Variants in PRKN observed in about 807,000 individuals in gnomAD.
The protein encoded by PRKN is parkin RBR E3 ubiquitin protein ligase.
Under a neutral mutation model 59.5 loss-of-function variants are expected in PRKN, and 56 were observed. The ratio of observed to expected loss-of-function variants is 0.94; its 90% confidence interval spans 0.76 to 1.18. The LOEUF (loss-of-function observed/expected upper bound fraction) is 1.18. Ranked by LOEUF, PRKN falls within the 50% of genes most tolerant of loss-of-function variation. PRKN has a pLI of 0.00. For synonymous variants in PRKN, 250 were observed against 222.1 expected (o/e 1.13, Z -1.12); for missense variants, 657 against 596.4 (o/e 1.10, Z -1.06).
At chr6:162,655,966 C>T (rs1332566587) in intron 1 of PRKN, among the ~76,000 whole-genome samples, 1 of 152,120 alleles carries the variant, frequency 6.6e-6, no homozygotes, top group Non-Finnish European at 1.5e-5. Context: ...AGGAATTCAC[C>T]TCATTTCAGA....
At chr6:161,938,856 T>C (rs546857330) in intron 6 of PRKN, among the ~76,000 whole-genome samples, 2 of 152,336 alleles carry the variant, frequency 1.3e-5, no homozygotes, top group African/African-American at 4.8e-5. Flanking sequence ...TATTGTCAGA[T>C]ACGTTTCAGC....
Position 161,391,090 on chromosome 6 carries a change from T to C in PRKN, c.1084-4213A>G, listed in dbSNP as rs149407930. Reference sequence around the variant, plus strand: ...GCAAACACTTCCCATGGCATAGCTGTTTCTAGAGAAAAAGCTTGCCGGGGA... The same window carrying C: ...GCAAACACTTCCCATGGCATAGCTGCTTCTAGAGAAAAAGCTTGCCGGGGA... On this transcript the variant is annotated intron_variant, in intron 9 of 11. Coordinates refer to ENST00000366898, the MANE Select transcript of PRKN (RefSeq NM_004562.3). This position sits in a 1 kb window ranked among gnomAD's most constrained non-coding sequence, Gnocchi z 4.9. Among the ~76,000 whole-genome samples the C allele has an allele frequency of 6.6e-6, 1 of 152,212 alleles. No individual in the cohort carries two copies. The highest frequency in any genetic ancestry group is 1.9e-4 in the East Asian group (1 of 5,168).
Position 161,566,215 on chromosome 6 carries a change from G to C in PRKN, c.933+3140C>G, listed in dbSNP as rs907890778. ...GTTCACCTCTCACATGAATCCATTCGAGGCAGGCTTTCCCCTCACTGCCCA... is the reference window on the plus strand; with the variant it reads ...GTTCACCTCTCACATGAATCCATTCCAGGCAGGCTTTCCCCTCACTGCCCA... On this transcript the variant is annotated intron_variant, in intron 8 of 11. Transcript: ENST00000366898. The surrounding 1 kb of genome is among the most constrained non-coding windows in gnomAD (Gnocchi z 4.1). Among the ~76,000 whole-genome samples the C allele has an allele frequency of 2.6e-5, 4 of 152,058 alleles. No homozygotes were observed. Among genetic ancestry groups the C allele is most frequent in the Non-Finnish European group, 5.9e-5 (4 of 68,020 alleles).
chr6:161,992,789 T>C (rs1781699675), intron 5 of PRKN, among the ~76,000 whole-genome samples: 1 of 152,020 alleles, frequency 6.6e-6, no homozygotes, highest in South Asian at 2.1e-4. Flanking sequence ...AAACTAGAAA[T>C]GATAGCAAGA....
chr6:161,489,996 T>C (rs1343435966), intron 9 of PRKN, among the ~76,000 whole-genome samples: 1 of 152,224 alleles, frequency 6.6e-6, no homozygotes, highest in Non-Finnish European at 1.5e-5. Flanking sequence ...GGGTTCTCCT[T>C]GCCCATCTGT....
chr6:161,380,870 C>T (rs530740682), intron 10 of PRKN, among the ~76,000 whole-genome samples: 1 of 152,180 alleles, frequency 6.6e-6, no homozygotes, highest in Non-Finnish European at 1.5e-5. Flanking sequence ...GCTCACATTT[C>T]TGCTGGGTAA....
intron 6 of PRKN, among the ~76,000 whole-genome samples, chr6:161,925,536 A>C (rs985451828): frequency 6.6e-6 from 1 of 152,024 alleles, no homozygotes; most frequent in Non-Finnish European, 1.5e-5. Flanking sequence ...GTGCCACTGC[A>C]CTCCACGCTG....
At chr6:162,329,231 T>C (rs1783458726) in intron 2 of PRKN, among the ~76,000 whole-genome samples, 1 of 152,032 alleles carries the variant, frequency 6.6e-6, no homozygotes, top group South Asian at 2.1e-4. Context: ...TGAGTGAAAA[T>C]GAGGACGGAA....
rs192665512 is a variant in PRKN, at chr6:162,378,602, C to G, written c.171+64708G>C. On this transcript the variant is annotated intron_variant, in intron 2 of 11. Transcript: ENST00000366898. ...GTCTTGTATTTTCAGGATAATAAGA[C>G]TGGTGAGGCTAGTTATCAAGTGCCT... Among the ~76,000 whole-genome samples, 219 of 152,360 alleles carry G rather than the reference C, an allele frequency of 1.4e-3. 1 individual carries two copies. Among genetic ancestry groups the G allele is most frequent in the African/African-American group, 5.0e-3 (206 of 41,590 alleles).
chr6:161,555,476 G>T (rs1438962002), intron 8 of PRKN, among the ~76,000 whole-genome samples: 1 of 152,184 alleles, frequency 6.6e-6, no homozygotes, highest in Admixed American at 6.5e-5. Flanking sequence ...GTAGGATTCA[G>T]AAAAACTGTA....
intron 2 of PRKN, among the ~76,000 whole-genome samples, chr6:162,369,611 T>C (rs1390427281): frequency 2.6e-5 from 4 of 152,160 alleles, no homozygotes; most frequent in Non-Finnish European, 5.9e-5. Context: ...AGTAAAGATA[T>C]TAGTTTCAAA....
At chr6:162,193,482 C>T (rs527790910) in intron 4 of PRKN, among the ~76,000 whole-genome samples, 15 of 152,276 alleles carry the variant, frequency 9.9e-5, no homozygotes, top group Middle Eastern at 3.4e-3. Flanking sequence ...TCCCTGAACT[C>T]GTCTATCCCC....
At chr6:162,360,212 C>A (rs1339984849) in intron 2 of PRKN, among the ~76,000 whole-genome samples, 1 of 151,994 alleles carries the variant, frequency 6.6e-6, no homozygotes, top group Non-Finnish European at 1.5e-5. Flanking sequence ...AGAAAGTGTT[C>A]TTTCTAATAG....
chr6:162,561,134 TC>T (rs1390522216), intron 1 of PRKN, among the ~76,000 whole-genome samples: 1 of 152,062 alleles, frequency 6.6e-6, no homozygotes, highest in Non-Finnish European at 1.5e-5. Flanking sequence ...GATGCTGCAG[TC>T]CCAAGCGCAT....
intron 9 of PRKN, among the ~76,000 whole-genome samples, chr6:161,495,536 C>T (rs552421626): frequency 2.0e-5 from 3 of 152,204 alleles, no homozygotes; most frequent in South Asian, 2.1e-4. Flanking sequence ...TTCTGGGTTA[C>T]GCCCTTAAAG....
intron 4 of PRKN, among the ~76,000 whole-genome samples, chr6:162,121,846 A>C (rs1251533793): frequency 6.6e-6 from 1 of 152,182 alleles, no homozygotes; most frequent in African/African-American, 2.4e-5. Flanking sequence ...CTCAGGCCTT[A>C]TTTACAGATG....
Position 162,216,471 on chromosome 6 carries a change from A to G in PRKN, c.413-15219T>C, listed in dbSNP as rs1038307084. On this transcript the variant is annotated intron_variant, in intron 3 of 11. Transcript: ENST00000366898. Reference sequence around the variant, plus strand: ...CGTGAACCCGGGAAGCGGAGCTTGCAGTGAGCCGAGATTGCGCCACTGCAG... The same window carrying G: ...CGTGAACCCGGGAAGCGGAGCTTGCGGTGAGCCGAGATTGCGCCACTGCAG... 5.2e-5 allele frequency among the ~76,000 whole-genome samples: 7 copies of G among 134,254 alleles called. No homozygotes were observed. The Admixed American group carries it at 6.2e-4, about 12-fold the overall frequency. 88.1% of individuals were successfully genotyped at this position (134,254 alleles called of 152,430 possible).
chr6:161,693,129 AG>A (rs1043216762), intron 7 of PRKN, among the ~76,000 whole-genome samples: 3 of 152,166 alleles, frequency 2.0e-5, no homozygotes, highest in African/African-American at 7.2e-5. Flanking sequence ...AAACATAAAA[AG>A]GAGATAATTT....
intron 7 of PRKN, among the ~76,000 whole-genome samples, chr6:161,589,758 G>T (rs1238411251): frequency 6.7e-6 from 1 of 149,862 alleles, no homozygotes; most frequent in Admixed American, 6.7e-5. Flanking sequence ...AAAATACAAT[G>T]AATTGAAAAG....
Sources: gnomAD v4.1 joint callset for allele counts (sites outside exome capture counted in the v4.1 genomes callset) on GRCh38, gnomAD v4.1.1 for gene constraint, Gnocchi (gnomAD v3.1) non-coding constraint, MANE v1.5 for transcripts, NCBI Gene and HGNC (gene_info 2026-07-23, HGNC 2026-07-21) for gene names.